AFF4: variants seen among roughly 807,000 people sequenced by gnomAD.
AFF4 encodes the protein ALF transcription elongation factor 4, also known as AF4/FMR2 family member 4.
In AFF4, 13 loss-of-function variants were observed where a neutral mutation model predicts 124.8. That is an observed-to-expected ratio of 0.10 (90% CI 0.07 to 0.17). The LOEUF is 0.17. AFF4 is among the 10% of genes least tolerant of loss of function. The pLI, the probability that AFF4 is intolerant of heterozygous loss-of-function variation, is 1.00. For synonymous variants in AFF4, 477 were observed against 496.1 expected, an observed-to-expected ratio of 0.96 and a Z score of 0.51; for missense variants, 1,092 against 1,403.8, an observed-to-expected ratio of 0.78 and a Z score of 3.55.
intron 1 of AFF4, among the ~76,000 whole-genome samples, chr5:132,946,818 C>T (rs1383316351): frequency 6.6e-6 from 1 of 151,992 alleles, no homozygotes; most frequent in Non-Finnish European, 1.5e-5. Context: ...ATTAGTACAC[C>T]TTAAAAATAA....
At chr5:132,924,167 T>A (rs2150091155) in intron 5 of AFF4, among the ~76,000 whole-genome samples, 1 of 152,052 alleles carries the variant, frequency 6.6e-6, no homozygotes, top group African/African-American at 2.4e-5. Flanking sequence ...GGCAGGAGAA[T>A]CGCTTGAACC....
intron 2 of AFF4, 41 bp downstream of exon 2, chr5:132,937,026 C>A: frequency 6.4e-7 from 1 of 1,566,664 alleles, no homozygotes; most frequent in South Asian, 1.2e-5. Flanking sequence ...GCAAAAATGT[C>A]ATGCTAATGG....
chr5:132,890,565 C>A (rs566173995), intron 13 of AFF4, among the ~76,000 whole-genome samples: 1 of 152,240 alleles, frequency 6.6e-6, no homozygotes, highest in African/African-American at 2.4e-5. Flanking sequence ...TGTTGATTTT[C>A]CAGATCTAAT....
chr5:132,886,302 A>G lies in AFF4; in HGVS notation c.3099+8T>C, dbSNP rs367741352. On this transcript the variant is annotated splice_region_variant and intron_variant, in intron 18 of 20. Transcript: ENST00000265343. ...TAGGAAACGGACCTTGTGCTTTTGCATACTTACCTTCAGGTGCTCTGTCAG... is the reference window on the plus strand; with the variant it reads ...TAGGAAACGGACCTTGTGCTTTTGCGTACTTACCTTCAGGTGCTCTGTCAG... 3 of 1,612,220 alleles carry G rather than the reference A, an allele frequency of 1.9e-6. No individual in the cohort carries two copies. Among genetic ancestry groups the G allele is most frequent in the East Asian group, 4.5e-5 (2 of 44,850 alleles).
At chr5:132,905,110 C>T (rs1211292112) in intron 5 of AFF4, among the ~76,000 whole-genome samples, 1 of 151,404 alleles carries the variant, frequency 6.6e-6, no homozygotes, top group African/African-American at 2.4e-5. Flanking sequence ...ATGGATATTT[C>T]CATGTCATTT....
intron 17 of AFF4, among the ~76,000 whole-genome samples, chr5:132,886,697 G>C (rs1218331858): frequency 6.6e-6 from 1 of 152,178 alleles, no homozygotes; most frequent in African/African-American, 2.4e-5. Context: ...CGAAGGGGTA[G>C]AATTTCCAAA....
chr5:132,942,256 G>A (rs919712966), intron 1 of AFF4, among the ~76,000 whole-genome samples: 1 of 152,106 alleles, frequency 6.6e-6, no homozygotes, highest in Non-Finnish European at 1.5e-5. Flanking sequence ...GAAGCTCACA[G>A]AATTAATGGA....
rs927775505 is a variant in AFF4 at position 132,938,682 on chromosome 5, G to A, written c.-4-1489C>T. On this transcript the variant is annotated intron_variant, in intron 1 of 20. Transcript: ENST00000265343. ...CAATTTAACGGCCTGAGCGGCTCAC[G>A]CCTGTAAACCCAGCACTTTGGGAGG... Among the ~76,000 whole-genome samples the A allele has an allele frequency of 5.3e-5, 8 of 151,488 alleles. No homozygotes were observed. The South Asian group carries it at 8.4e-4, about 16-fold the overall frequency.
At position 132,892,331 on chromosome 5, in the gene AFF4, G is replaced by C; in HGVS notation, c.2470C>G (p.Pro824Ala). The C allele has an allele frequency of 1.2e-6, 2 of 1,614,032 alleles. No individual in the cohort carries two copies. Among genetic ancestry groups the C allele is most frequent in the East Asian group, 2.2e-5 (1 of 44,872 alleles). Residue 824 changes from proline (P) to alanine (A), a missense_variant, in exon 13 of 21, where the codon CCA becomes GCA. By Grantham distance (27) the Pro-to-Ala change is conservative. Coordinates refer to ENST00000265343, the MANE Select transcript of AFF4 (RefSeq NM_014423.4). ...TTCCGAGAGCCATGCTCTGTTTTTG[G>C]ATCTTTTGAAGGAACAGGCCCAGCG... ...SPAGPVPSKDPKTEHGSRKRT... is the reference protein window; with the variant it reads ...SPAGPVPSKDAKTEHGSRKRT...
intron 1 of AFF4, among the ~76,000 whole-genome samples, chr5:132,959,823 G>C (rs929675672): frequency 7.2e-6 from 1 of 138,316 alleles, no homozygotes; most frequent in Non-Finnish European, 1.5e-5. Context: ...GGAGTGCAGT[G>C]GTGCGATCTC....
chr5:132,921,126 CAAAAA>C (rs57115662), intron 5 of AFF4, among the ~76,000 whole-genome samples: 2 of 87,620 alleles, frequency 2.3e-5, no homozygotes, highest in African/African-American at 9.4e-5. Context: ...GACTCTGTCA[CAAAAA>C]AAAAAAAAAA....
intron 1 of AFF4, among the ~76,000 whole-genome samples, chr5:132,954,324 G>A (rs1276188349): frequency 1.3e-5 from 2 of 152,190 alleles, no homozygotes; most frequent in African/African-American, 4.8e-5. Context: ...TATTGACACG[G>A]CAGAGTTCCC....
intron 17 of AFF4, 110 bp from the exon 18 acceptor site, chr5:132,886,513 G>C (rs1403579275): frequency 3.3e-6 from 3 of 916,872 alleles, no homozygotes; most frequent in Non-Finnish European, 5.1e-6. Context: ...CCATGGCATA[G>C]GCCACAACAT....
intron 5 of AFF4, among the ~76,000 whole-genome samples, chr5:132,904,717 A>T (rs1285962433): frequency 6.6e-6 from 1 of 152,204 alleles, no homozygotes; most frequent in Non-Finnish European, 1.5e-5. Flanking sequence ...TTAAGAAAAC[A>T]CTTCATTTAA....
chr5:132,930,933 T>TAAAAAGAA (rs1761283960), intron 4 of AFF4, among the ~76,000 whole-genome samples: 1 of 78,564 alleles, frequency 1.3e-5, no homozygotes, highest in Admixed American at 1.6e-4. Context: ...CTATCTCTAC[T>TAAAAAGAA]AAAAAAAAAA....
intron 5 of AFF4, among the ~76,000 whole-genome samples, chr5:132,908,776 A>ATTTT (rs386405007): frequency 0.02 from 2,303 of 114,816 alleles, 64 homozygotes; most frequent in African/African-American, 0.047. Context: ...ATATATATAT[A>ATTTT]TTTTTTTTTT....
intron 7 of AFF4, among the ~76,000 whole-genome samples, chr5:132,900,436 A>T (rs932527525): frequency 6.6e-6 from 1 of 152,106 alleles, no homozygotes; most frequent in Non-Finnish European, 1.5e-5. Context: ...GGGCACCTGT[A>T]ATCCTAGCTA....
intron 1 of AFF4, among the ~76,000 whole-genome samples, chr5:132,942,493 T>C (rs1174164669): frequency 2.0e-5 from 3 of 150,166 alleles, no homozygotes; most frequent in Non-Finnish European, 4.4e-5. Flanking sequence ...AGACAGAGTT[T>C]CGCTCTTGTT....
chr5:132,915,938 T>C (rs1760898670), intron 5 of AFF4, among the ~76,000 whole-genome samples: 1 of 151,860 alleles, frequency 6.6e-6, no homozygotes, highest in African/African-American at 2.4e-5. Context: ...TTTCTGACAT[T>C]AGAAACTTAA....
Sources: allele counts gnomAD v4.1 joint callset (sites outside exome capture counted in the v4.1 genomes callset), GRCh38; gene constraint gnomAD v4.1.1; transcripts MANE v1.5; gene names NCBI Gene and HGNC (gene_info 2026-07-23, HGNC 2026-07-21).